The following MAGI2 variants were observed in gnomAD, a reference collection of about 807,000 sequenced individuals.
MAGI2 encodes the protein membrane-associated guanylate kinase, WW and PDZ domain-containing protein 2.
MAGI2 carries 35 observed loss-of-function variants against 133.3 expected under a neutral mutation model. The ratio of observed to expected loss-of-function variants is 0.26; its 90% CI spans 0.20 to 0.35. The LOEUF is 0.35. Among genes scored for constraint, MAGI2 ranks in the 10% least tolerant of loss-of-function variants. The pLI is 1.00. For synonymous variants in MAGI2, 729 were observed against 710.6 expected (o/e 1.03, Z -0.41); for missense variants, 1,636 against 1,863.4 (o/e 0.88, Z 2.25).
At chr7:78,432,451 G>T (rs536063838) in intron 6 of MAGI2, among the ~76,000 whole-genome samples, 4 of 152,152 alleles carry the variant, frequency 2.6e-5, no homozygotes, top group African/African-American at 9.6e-5. Context: ...CCCAGGTTTT[G>T]TCATGATTAA....
At chr7:78,172,695 C>A (rs566156584) in intron 14 of MAGI2, among the ~76,000 whole-genome samples, 1 of 152,156 alleles carries the variant, frequency 6.6e-6, no homozygotes, top group African/African-American at 2.4e-5. Context: ...TTCGTATATA[C>A]AGAGGCAGAA....
rs143303812 is a variant in MAGI2, at chr7:78,969,156, G to A, written c.418+37934C>T. 3.3e-5 allele frequency among the ~76,000 whole-genome samples: 5 copies of A among 151,938 alleles called. No individual in the cohort carries two copies. The East Asian group carries it at 7.8e-4, about 24-fold the overall frequency. On this transcript the variant is annotated intron_variant, in intron 2 of 21. Transcript: ENST00000354212. ...GCGCAGGACAAGTAAAGCCATCTGTGCAGGTGTACTGGCGACCACCTGGTA... is the reference window on the plus strand; with the variant it reads ...GCGCAGGACAAGTAAAGCCATCTGTACAGGTGTACTGGCGACCACCTGGTA...
intron 16 of MAGI2, among the ~76,000 whole-genome samples, chr7:78,138,625 TCA>T (rs202115434): frequency 0.18 from 23,576 of 128,916 alleles, 2,337 homozygotes; most frequent in African/African-American, 0.28. Flanking sequence ...AAACATAGAT[TCA>T]CACACACACA....
At chr7:79,086,390 T>G (rs955402846) in intron 1 of MAGI2, among the ~76,000 whole-genome samples, 7 of 151,888 alleles carry the variant, frequency 4.6e-5, no homozygotes, top group Admixed American at 4.6e-4. Context: ...GTTGTGAAGC[T>G]GATAATATTC....
chr7:78,811,761 A>G (rs2151408816), intron 2 of MAGI2, among the ~76,000 whole-genome samples: 1 of 152,290 alleles, frequency 6.6e-6, no homozygotes, highest in East Asian at 1.9e-4. Context: ...TGGAAGATAT[A>G]TCTTTAAAGA....
intron 2 of MAGI2, among the ~76,000 whole-genome samples, chr7:78,656,989 TA>T (rs5885084): frequency 0.18 from 18,716 of 103,888 alleles, 1,343 homozygotes; most frequent in East Asian, 0.32. Flanking sequence ...AAACCCAGTA[TA>T]AAAAAAAAAA....
chr7:79,116,831 A>C (rs1819454560), intron 1 of MAGI2, among the ~76,000 whole-genome samples: 1 of 152,096 alleles, frequency 6.6e-6, no homozygotes, highest in South Asian at 2.1e-4. Context: ...CATATGATAC[A>C]CTGGCTCCCT....
At chr7:79,324,380 C>T (rs1328775265) in intron 1 of MAGI2, among the ~76,000 whole-genome samples, 1 of 145,130 alleles carries the variant, frequency 6.9e-6, no homozygotes, top group African/African-American at 2.5e-5. Context: ...TATATATATA[C>T]AGTGTGTATG....
chr7:78,430,399 C>T (rs1378210224), intron 6 of MAGI2, among the ~76,000 whole-genome samples: 1 of 151,726 alleles, frequency 6.6e-6, no homozygotes, highest in East Asian at 1.9e-4. Context: ...TTAATACAAT[C>T]ATAAATTACC....
chr7:79,360,825 A>G (rs890058930), intron 1 of MAGI2, among the ~76,000 whole-genome samples: 4 of 152,140 alleles, frequency 2.6e-5, no homozygotes, highest in Non-Finnish European at 5.9e-5. Flanking sequence ...GAAGAAGCAA[A>G]CAAAAACAAA....
At chr7:79,272,451 A>T (rs1280339073) in intron 1 of MAGI2, among the ~76,000 whole-genome samples, 1 of 152,134 alleles carries the variant, frequency 6.6e-6, no homozygotes, top group South Asian at 2.1e-4. Flanking sequence ...AACGCTTAGC[A>T]TAATGAATTC....
intron 1 of MAGI2, among the ~76,000 whole-genome samples, chr7:79,333,078 C>T (rs1260556167): frequency 1.3e-5 from 2 of 152,158 alleles, no homozygotes; most frequent in African/African-American, 2.4e-5. Flanking sequence ...CAACTTGTAC[C>T]AATCTACTAA....
chr7:79,164,002 C>T lies in MAGI2; in HGVS notation c.302-156796G>A, dbSNP rs1049584127. On this transcript the variant is annotated intron_variant, in intron 1 of 21. Transcript: ENST00000354212. ...AATTGGCTATTACATCAGGTCAGGG[C>T]ATGTCCTCCTGCCATTATCCAAATT... Among the ~76,000 whole-genome samples the T allele has an allele frequency of 3.3e-5, 5 of 152,008 alleles. No individual in the cohort carries two copies. In the East Asian group the frequency reaches 9.7e-4, roughly 29 times the overall value.
intron 1 of MAGI2, among the ~76,000 whole-genome samples, chr7:79,359,136 A>G (rs1172120112): frequency 4.6e-5 from 7 of 152,182 alleles, no homozygotes; most frequent in African/African-American, 1.7e-4. Context: ...ACATTAAAAA[A>G]TCTCCAAGAA....
At chr7:78,325,311 T>C (rs1185354868) in intron 9 of MAGI2, among the ~76,000 whole-genome samples, 2 of 152,208 alleles carry the variant, frequency 1.3e-5, no homozygotes. Context: ...AATTTGTCTT[T>C]GATGGGAGAC....
At chr7:78,960,043 A>C (rs1346870900) in intron 2 of MAGI2, among the ~76,000 whole-genome samples, 1 of 152,154 alleles carries the variant, frequency 6.6e-6, no homozygotes, top group Admixed American at 6.6e-5. Flanking sequence ...TACCTAGAGC[A>C]AGGATTCTAA....
At chr7:78,212,661 T>C (rs1030937346) in intron 10 of MAGI2, among the ~76,000 whole-genome samples, 12 of 152,230 alleles carry the variant, frequency 7.9e-5, no homozygotes, top group African/African-American at 2.9e-4. Flanking sequence ...GAATGTATTA[T>C]GGTAGCAGTA....
chr7:79,093,709 CTTTTCTTTTTT>C (rs1407219021), intron 1 of MAGI2, among the ~76,000 whole-genome samples: 1 of 116,518 alleles, frequency 8.6e-6, no homozygotes, highest in Non-Finnish European at 1.8e-5. Flanking sequence ...TTTTTCTTTT[CTTTTCTTTTTT>C]TTTTTTTTTT....
chr7:79,131,088 G>C (rs1249641120), intron 1 of MAGI2, among the ~76,000 whole-genome samples: 12 of 152,184 alleles, frequency 7.9e-5, no homozygotes, highest in Admixed American at 7.9e-4. Flanking sequence ...GTGAAAGGAA[G>C]AATTCAGTCA....
Sources: allele counts gnomAD v4.1 joint callset (sites outside exome capture counted in the v4.1 genomes callset), GRCh38; gene constraint gnomAD v4.1.1; transcripts MANE v1.5; gene names NCBI Gene and HGNC (gene_info 2026-07-23, HGNC 2026-07-21).